Variants in ANK2 observed in about 807,000 individuals in gnomAD.
ANK2 encodes the protein ankyrin 2.
A neutral mutation model predicts 360.5 loss-of-function variants in ANK2; 83 were observed. The ratio of observed to expected loss-of-function variants is 0.23; its 90% CI spans 0.19 to 0.28. The LOEUF is 0.28. ANK2 is among the 10% of genes least tolerant of loss of function. The probability of loss-of-function intolerance (pLI) is 1.00; values close to 1 mark genes in which losing one functional copy is unlikely to be tolerated. For synonymous variants in ANK2, 1,740 were observed against 1,759.5 expected, an observed-to-expected ratio of 0.99 and a Z score of 0.28; for missense variants, 4,201 against 4,795.7, an observed-to-expected ratio of 0.88 and a Z score of 3.66.
At chr4:112,772,172 A>G in the ANK2 span, among the ~76,000 whole-genome samples, 1 of 152,184 alleles carries the variant, frequency 6.6e-6, no homozygotes, top group African/African-American at 2.4e-5. Context: ...AAGAAGTTTA[A>G]TGGACTCACA....
chr4:113,373,550 C>G (rs2096819247), intron 45 of ANK2, 101 bp downstream of exon 45: 1 of 1,300,626 alleles, frequency 7.7e-7, no homozygotes, highest in Admixed American at 1.7e-5. Context: ...CCTCACTTCT[C>G]CCTTTCATGT....
chr4:112,971,830 A>G lies in ANK2; in HGVS notation c.21+67316A>G, dbSNP rs2039657962. On this transcript the variant is annotated intron_variant, in intron 2 of 30. Coordinates refer to the ANK2 transcript ENST00000503271. ...TGTCATAGGGCTATTTCCTCAACGT[A>G]CCCTATGATGAAAGACTCAGACATA... is the stretch of plus-strand genomic sequence containing the variant. 2.6e-5 allele frequency among the ~76,000 whole-genome samples: 4 copies of G among 152,188 alleles called. No individual in the cohort carries two copies. In the South Asian group the frequency reaches 8.3e-4, roughly 31 times the overall value.
chr4:112,839,356 C>CT (rs61695213), intron 1 of ANK2, among the ~76,000 whole-genome samples: 2,657 of 147,112 alleles, frequency 0.018, 43 homozygotes, highest in East Asian at 0.049. Flanking sequence ...CAGGATCAGG[C>CT]TTTTTTTTTT....
intron 2 of ANK2, among the ~76,000 whole-genome samples, chr4:112,972,538 T>C (rs1004366294): frequency 6.6e-6 from 1 of 152,044 alleles, no homozygotes; most frequent in African/African-American, 2.4e-5. Context: ...AGTGTACAGG[T>C]GTTATGTTAA....
chr4:113,184,824 C>T (rs1346359597), intron 2 of ANK2, among the ~76,000 whole-genome samples: 4 of 152,032 alleles, frequency 2.6e-5, no homozygotes, highest in African/African-American at 9.7e-5. Flanking sequence ...CCATCATCTA[C>T]ATTAGGTATT....
At chr4:113,316,403 C>T (rs1028829412) in intron 24 of ANK2, among the ~76,000 whole-genome samples, 2 of 152,126 alleles carry the variant, frequency 1.3e-5, no homozygotes, top group African/African-American at 4.8e-5. Context: ...GTGATGATTT[C>T]CTCAAAGACA....
chr4:113,066,243 C>T (rs2075564285), intron 1 of ANK2, among the ~76,000 whole-genome samples: 1 of 152,156 alleles, frequency 6.6e-6, no homozygotes, highest in Non-Finnish European at 1.5e-5. Flanking sequence ...AGGCCTCTTA[C>T]AGTTTTTGCA....
the ANK2 span, among the ~76,000 whole-genome samples, chr4:112,735,700 C>T: frequency 6.6e-6 from 1 of 152,108 alleles, no homozygotes; most frequent in African/African-American, 2.4e-5. Context: ...GGTAAAAAAA[C>T]ATATAGAATT....
rs774353025 is a variant in ANK2, at chr4:113,356,405, A to G, written c.7787A>G (p.Lys2596Arg). The G allele has an allele frequency of 6.2e-7, 1 of 1,614,184 alleles. No individual in the cohort carries two copies. The change falls in exon 38 of 46, where the codon AAA (lysine) becomes AGA (arginine). Residue 2596 changes from lysine to arginine, a missense_variant. Physicochemically the swap from Lys to Arg is conservative, Grantham distance 26. Transcript: ENST00000357077. Reference sequence around the variant, plus strand: ...ATGTTTAAAATGGTAACCAAAATCAAAATGTTTGATGAACTTGAACAAGAA... The same window carrying G: ...ATGTTTAAAATGGTAACCAAAATCAGAATGTTTGATGAACTTGAACAAGAA... Reference protein sequence around the residue: ...EEMFKMVTKIKMFDELEQEAK... With the variant: ...EEMFKMVTKIRMFDELEQEAK...
At chr4:113,084,455 G>A (rs750435869) in intron 1 of ANK2, among the ~76,000 whole-genome samples, 4 of 152,162 alleles carry the variant, frequency 2.6e-5, no homozygotes, top group Admixed American at 6.5e-5. Context: ...GAAACGAAAC[G>A]CGATTAAATC....
At chr4:112,822,441 A>T (rs1560663453) in intron 1 of ANK2, among the ~76,000 whole-genome samples, 4 of 150,782 alleles carry the variant, frequency 2.7e-5, no homozygotes, top group Admixed American at 1.3e-4. Flanking sequence ...AAGAAAAACA[A>T]CAACAACAAA....
chr4:113,095,228 T>C (rs765274241), intron 1 of ANK2, among the ~76,000 whole-genome samples: 1 of 152,208 alleles, frequency 6.6e-6, no homozygotes, highest in Non-Finnish European at 1.5e-5. Flanking sequence ...CATCAAGGTT[T>C]ATATTGATTT....
At chr4:113,231,847 G>A (rs924709460) in intron 4 of ANK2, among the ~76,000 whole-genome samples, 5 of 152,108 alleles carry the variant, frequency 3.3e-5, no homozygotes, top group Admixed American at 1.3e-4. Flanking sequence ...TGATCCACCC[G>A]CCTCAGACTC....
At chr4:113,375,668 T>G (rs1295209870) in intron 45 of ANK2, among the ~76,000 whole-genome samples, 1 of 149,078 alleles carries the variant, frequency 6.7e-6, no homozygotes, top group Non-Finnish European at 1.5e-5. Flanking sequence ...GAGCTTGCAG[T>G]GAGCCGAGAT....
Position 113,255,729 on chromosome 4 carries a change from G to T in ANK2, c.991-6G>T. 6.2e-7 allele frequency: 1 copy of T among 1,612,734 alleles called. No individual in the cohort carries two copies. Among genetic ancestry groups the T allele is most frequent in the South Asian group, 1.1e-5 (1 of 91,038 alleles). ...GGACATTATTTTGTTTTCTTTTAAT[G>T]TGCAGAATGGGCTGTCTCCACTACA... On this transcript the variant is annotated splice_region_variant and splice_polypyrimidine_tract_variant and intron_variant, in intron 10 of 45. Coordinates refer to ENST00000357077, the MANE Select transcript of ANK2 (RefSeq NM_001148.6).
At chr4:113,128,007 A>G (rs1049403174) in intron 1 of ANK2, among the ~76,000 whole-genome samples, 7 of 152,234 alleles carry the variant, frequency 4.6e-5, no homozygotes, top group Non-Finnish European at 1.0e-4. Context: ...CATCAACAGA[A>G]ATACAAATTT....
chr4:113,110,048 C>A (rs1408366895), intron 1 of ANK2, among the ~76,000 whole-genome samples: 4 of 152,130 alleles, frequency 2.6e-5, no homozygotes, highest in African/African-American at 9.7e-5. Context: ...TGTTATTAGT[C>A]CGTTCTCATA....
rs551592785 is a variant in ANK2, at chr4:113,196,840, C to T, written c.285+374C>T. ...CCCACTTAAAGCTTCTTTTCCCTCTCGTACATTTCAGAGGTTGGCTAGAAC... is the reference window on the plus strand; with the variant it reads ...CCCACTTAAAGCTTCTTTTCCCTCTTGTACATTTCAGAGGTTGGCTAGAAC... On this transcript the variant is annotated intron_variant, in intron 3 of 45. Transcript: ENST00000357077. Among the ~76,000 whole-genome samples the T allele has an allele frequency of 3.5e-3, 533 of 152,294 alleles. 2 individuals are homozygous for T. The highest frequency in any genetic ancestry group is 0.012 in the African/African-American group (518 of 41,564).
chr4:112,707,206 G>A, the ANK2 span, among the ~76,000 whole-genome samples: 2 of 152,160 alleles, frequency 1.3e-5, no homozygotes, highest in Non-Finnish European at 2.9e-5. Context: ...CTTTCTCCCT[G>A]GTAGTGTGGA....
Sources: gnomAD v4.1 joint callset for allele counts (sites outside exome capture counted in the v4.1 genomes callset) on GRCh38, gnomAD v4.1.1 for gene constraint, MANE v1.5 for transcripts, NCBI Gene and HGNC (gene_info 2026-07-23, HGNC 2026-07-21) for gene names.